Variants in GLIS3 observed in about 807,000 individuals in gnomAD.
GLIS3 encodes the protein GLIS family zinc finger 3.
Under a neutral mutation model 78.6 loss-of-function variants are expected in GLIS3, and 53 were observed. The observed-to-expected ratio is 0.67, with a 90% confidence interval of 0.54 to 0.85. The LOEUF is 0.85. Ranked by LOEUF, GLIS3 falls within the 40% of genes least tolerant of loss-of-function variation. The probability of loss-of-function intolerance (pLI) is 0.00; values close to 1 mark genes in which losing one functional copy is unlikely to be tolerated. For missense variants in GLIS3, 1,703 were observed against 1,231.1 expected (o/e 1.38, Z -5.74); for synonymous variants, 684 against 509.9 (o/e 1.34, Z -4.60).
At chr9:4,337,260 A>G (rs1386530423) in intron 2 of GLIS3, among the ~76,000 whole-genome samples, 1 of 152,240 alleles carries the variant, frequency 6.6e-6, no homozygotes, top group African/African-American at 2.4e-5. Context: ...CTTTATCTAC[A>G]AAGACCTTCA....
chr9:4,127,336 G>C (rs1391943231), intron 2 of GLIS3, among the ~76,000 whole-genome samples: 1 of 152,040 alleles, frequency 6.6e-6, no homozygotes, highest in African/African-American at 2.4e-5. Flanking sequence ...TTTCTTCCTT[G>C]TACACTTTCC....
At chr9:4,013,748 G>C (rs1822221049) in intron 4 of GLIS3, among the ~76,000 whole-genome samples, 1 of 152,180 alleles carries the variant, frequency 6.6e-6, no homozygotes, top group Admixed American at 6.5e-5. Context: ...AGTTAATAGA[G>C]TCTGAGGGGC....
At chr9:3,834,545 C>T (rs1818235169) in intron 9 of GLIS3, among the ~76,000 whole-genome samples, 1 of 152,132 alleles carries the variant, frequency 6.6e-6, no homozygotes. Flanking sequence ...AGCTCTAGGG[C>T]AATCTGAATT....
chr9:3,961,426 T>A (rs911170246), intron 4 of GLIS3, among the ~76,000 whole-genome samples: 9 of 152,226 alleles, frequency 5.9e-5, no homozygotes, highest in African/African-American at 1.9e-4. Context: ...TATTACATGT[T>A]CTCTCCATGC....
chr9:4,418,820 A>G, the GLIS3 span, among the ~76,000 whole-genome samples: 2 of 152,332 alleles, frequency 1.3e-5, no homozygotes, highest in Non-Finnish European at 1.5e-5. Context: ...TAAGATTTCA[A>G]GTGGTACAGA....
chr9:4,070,173 C>T (rs544535530), intron 4 of GLIS3, among the ~76,000 whole-genome samples: 9 of 152,224 alleles, frequency 5.9e-5, no homozygotes, highest in African/African-American at 1.9e-4. Flanking sequence ...GTGGTTGAGT[C>T]AGCTTTATAG....
intron 4 of GLIS3, among the ~76,000 whole-genome samples, chr9:4,099,425 G>A (rs1362998499): frequency 6.6e-6 from 1 of 151,408 alleles, no homozygotes; most frequent in Non-Finnish European, 1.5e-5. Context: ...GCCCCCCCGA[G>A]CCTCTGTCTT....
chr9:4,336,061 G>T (rs10974475), intron 2 of GLIS3, among the ~76,000 whole-genome samples: 40,483 of 151,928 alleles, frequency 0.27, 6,186 homozygotes, highest in Non-Finnish European at 0.33. Flanking sequence ...CACCTCTGTG[G>T]GCCTCCATTT....
the GLIS3 span, among the ~76,000 whole-genome samples, chr9:4,474,209 T>C: frequency 6.6e-6 from 1 of 152,130 alleles, no homozygotes; most frequent in African/African-American, 2.4e-5. Context: ...GCTACAATAA[T>C]CAAGGCAGAG....
the GLIS3 span, among the ~76,000 whole-genome samples, chr9:4,470,522 G>A: frequency 2.6e-5 from 4 of 152,204 alleles, no homozygotes; most frequent in Admixed American, 2.0e-4. Flanking sequence ...TATCTCAATA[G>A]ATGCAGAAAA....
rs184196317 is a variant in GLIS3 at position 4,042,250 on chromosome 9, C to T, written c.1710+75518G>A. On this transcript the variant is annotated intron_variant, in intron 4 of 10. Transcript: ENST00000381971. ...CACCCTAGTAATTCCCATGGCCAGC[C>T]TTGATTCTTCATTTGCAAGTATCCA... 1.7e-3 allele frequency among the ~76,000 whole-genome samples: 263 copies of T among 152,268 alleles called. 1 individual carries two copies. The highest frequency in any genetic ancestry group is 6.1e-3 in the African/African-American group (253 of 41,562).
chr9:4,437,215 C>A, the GLIS3 span, among the ~76,000 whole-genome samples: 2 of 152,150 alleles, frequency 1.3e-5, no homozygotes, highest in Non-Finnish European at 1.5e-5. Flanking sequence ...AATTTGAGAT[C>A]TTTAAATACT....
the GLIS3 span, among the ~76,000 whole-genome samples, chr9:4,357,175 A>G: frequency 6.6e-6 from 1 of 152,214 alleles, no homozygotes; most frequent in Non-Finnish European, 1.5e-5. Flanking sequence ...TTTTGTATCA[A>G]CTTGACTGGG....
At chr9:3,958,591 TTGGGCTTCTACTC>T (rs1817321627) in intron 4 of GLIS3, among the ~76,000 whole-genome samples, 1 of 152,214 alleles carries the variant, frequency 6.6e-6, no homozygotes, top group South Asian at 2.1e-4. Flanking sequence ...TAAACACGTG[TTGGGCTTCTACTC>T]TGGGCTGGAC....
intron 4 of GLIS3, among the ~76,000 whole-genome samples, chr9:4,046,144 C>G (rs1825229987): frequency 6.6e-6 from 1 of 152,116 alleles, no homozygotes; most frequent in Non-Finnish European, 1.5e-5. Context: ...TTATGGCAGT[C>G]TTATAAATTA....
chr9:4,323,420 C>T (rs1470256485), intron 2 of GLIS3, among the ~76,000 whole-genome samples: 2 of 152,102 alleles, frequency 1.3e-5, no homozygotes, highest in African/African-American at 2.4e-5. Context: ...TTTTTCCACC[C>T]AATGTTATGT....
intron 4 of GLIS3, among the ~76,000 whole-genome samples, chr9:3,996,041 TAAAAG>T (rs1449166146): frequency 6.6e-5 from 10 of 151,932 alleles, no homozygotes; most frequent in Non-Finnish European, 1.0e-4. Context: ...AAATGCAGCC[TAAAAG>T]AAAAGTCAGA....
rs185331734 is a variant in GLIS3, at chr9:4,201,012, G to A, written c.389-75071C>T. Among the ~76,000 whole-genome samples the A allele has an allele frequency of 2.0e-5, 3 of 151,984 alleles. No individual in the cohort carries two copies. In the East Asian group the frequency reaches 5.9e-4, roughly 30 times the overall value. ...ATAATCAATTAGGCTTCATTCCTGG[G>A]ATGCAAGATTGGTTCATCATATGCA... On this transcript the variant is annotated intron_variant, in intron 2 of 10. Coordinates refer to ENST00000381971, the MANE Select transcript of GLIS3 (RefSeq NM_001042413.2).
chr9:4,274,500 C>G (rs542557723), intron 2 of GLIS3, among the ~76,000 whole-genome samples: 2 of 152,274 alleles, frequency 1.3e-5, no homozygotes, highest in Admixed American at 6.5e-5. Flanking sequence ...TCCTCATACC[C>G]TCTTGCAAGT....
Sources: allele counts gnomAD v4.1 joint callset (sites outside exome capture counted in the v4.1 genomes callset), GRCh38; gene constraint gnomAD v4.1.1; transcripts MANE v1.5; gene names NCBI Gene and HGNC (gene_info 2026-07-23, HGNC 2026-07-21).